Variants in BCL2L1 observed in about 807,000 individuals in gnomAD.
BCL2L1 encodes BCL2 like 1.
Under a neutral mutation model 18.7 loss-of-function variants are expected in BCL2L1, and 1 was observed. That is an observed-to-expected ratio of 0.05 (90% CI 0.02 to 0.25). The LOEUF (loss-of-function observed/expected upper bound fraction) is 0.25, where lower values mean the gene tolerates loss of function less well. Ranked by LOEUF, BCL2L1 falls within the 10% of genes least tolerant of loss-of-function variation. The pLI, the probability that BCL2L1 is intolerant of heterozygous loss-of-function variation, is 1.00. For synonymous variants in BCL2L1, 103 were observed against 122.7 expected (o/e 0.84, Z 1.06); for missense variants, 207 against 304.9 (o/e 0.68, Z 2.39).
chr20:31,715,852 G>C (rs1480145520), intron 2 of BCL2L1, among the ~76,000 whole-genome samples: 2 of 152,030 alleles, frequency 1.3e-5, no homozygotes, highest in Admixed American at 1.3e-4. Context: ...TATTTTTTGA[G>C]ACAGGGTCTT....
intron 2 of BCL2L1, among the ~76,000 whole-genome samples, chr20:31,685,740 TC>T (rs1568865273): frequency 1.3e-5 from 2 of 152,120 alleles, no homozygotes; most frequent in Non-Finnish European, 2.9e-5. Context: ...CCTTTTTTTT[TC>T]CCCTCAAGGG....
chr20:31,702,827 T>C (rs1056748472), intron 2 of BCL2L1, among the ~76,000 whole-genome samples: 2 of 148,874 alleles, frequency 1.3e-5, no homozygotes, highest in Non-Finnish European at 3.0e-5. Flanking sequence ...GCACCTTTAA[T>C]CCCAGCTACT....
chr20:31,680,684 T>C (rs2122533146), intron 2 of BCL2L1, among the ~76,000 whole-genome samples: 1 of 152,342 alleles, frequency 6.6e-6, no homozygotes, highest in East Asian at 1.9e-4. Context: ...TCAACAAATC[T>C]TCATTAAGTG....
At chr20:31,716,228 C>T (rs2061534126) in intron 2 of BCL2L1, among the ~76,000 whole-genome samples, 1 of 152,130 alleles carries the variant, frequency 6.6e-6, no homozygotes, top group Admixed American at 6.5e-5. Context: ...GCCAAAGGAC[C>T]TAGAAGGGTA....
upstream of BCL2L1, chr20:31,723,755 G>A (rs17122905): frequency 3.0e-5 from 30 of 985,362 alleles, no homozygotes; most frequent in East Asian, 2.3e-3. Flanking sequence ...CGCGAGCCGT[G>A]GGGGGCCACA....
upstream of BCL2L1, chr20:31,723,625 G>T (rs1352245797): frequency 2.0e-6 from 2 of 985,410 alleles, no homozygotes; most frequent in Non-Finnish European, 2.4e-6. Context: ...CGCCCCCGGC[G>T]GTCCGCCCCA....
chr20:31,665,651 G>C lies in BCL2L1; in HGVS notation c.*298C>G, dbSNP rs1009721157. On this transcript the variant is annotated 3_prime_UTR_variant, in exon 3 of 3. Transcript: ENST00000307677. The stretch of plus-strand genomic sequence containing the variant: ...TAAGGGGTAAGGGTTGCACCAATCA[G>C]GTAGGGCCCTCCTGCCCCCAGCCAC... The C allele has an allele frequency of 8.7e-6, 4 of 458,892 alleles. No homozygotes were observed. Among genetic ancestry groups the C allele is most frequent in the Non-Finnish European group, 3.9e-6 (1 of 254,676 alleles). 28.4% of individuals were successfully genotyped at this position (458,892 alleles called of 1,614,324 possible). A position where few individuals can be genotyped will look rare whatever the true frequency, so the allele number is the denominator to read the frequency against.
chr20:31,692,734 C>A (rs1415081338), intron 2 of BCL2L1, among the ~76,000 whole-genome samples: 2 of 151,918 alleles, frequency 1.3e-5, no homozygotes, highest in African/African-American at 4.8e-5. Context: ...GATGGTGAAA[C>A]CCCATCTCTA....
rs987523333 is a variant in BCL2L1 at position 31,713,257 on chromosome 20, CA to C, written c.564+8397del. ...GTAGGGGGTAATGGCCTGGCAGAAC[CA>C]AGTAGAAAGGCATTTTCTAAATCTT... is the stretch of plus-strand genomic sequence containing the variant. On this transcript the variant is annotated intron_variant, in intron 2 of 2. Transcript: ENST00000307677. 20 of 984,654 alleles carry C rather than the reference CA, an allele frequency of 2.0e-5. No individual in the cohort carries two copies. In the African/African-American group the frequency reaches 3.5e-4, roughly 17 times the overall value. The allele number at this position is 984,654 out of a possible 1,614,324, so 61.0% of individuals were successfully genotyped here.
chr20:31,723,500 G>A (rs1262803902), upstream of BCL2L1: 5 of 985,382 alleles, frequency 5.1e-6, no homozygotes, highest in South Asian at 9.4e-5. Flanking sequence ...GGCCGGCTGC[G>A]GCCTAGCGGC....
At chr20:31,683,769 CAAAAAAAAAAAAAAAAAAAAAAAAAAA>C (rs372160646) in intron 2 of BCL2L1, among the ~76,000 whole-genome samples, 43,178 of 81,418 alleles carry the variant, frequency 0.53, 8,689 homozygotes, top group African/African-American at 0.66. Context: ...AACTCCATCT[CAAAAAAAAAAAAAAAAAAAAAAAAAAA>C]AAAAAAAAAA....
chr20:31,714,584 T>C (rs1386993756), intron 2 of BCL2L1, among the ~76,000 whole-genome samples: 3 of 152,196 alleles, frequency 2.0e-5, no homozygotes, highest in Admixed American at 2.0e-4. Flanking sequence ...CATCGCCCCC[T>C]GTGAGGCAGG....
At chr20:31,696,500 C>T (rs757429449) in intron 2 of BCL2L1, among the ~76,000 whole-genome samples, 3 of 152,184 alleles carry the variant, frequency 2.0e-5, no homozygotes, top group Non-Finnish European at 2.9e-5. Flanking sequence ...AACCCAGGTT[C>T]GGTGTACTCT....
chr20:31,723,871 A>T (rs1038454315), upstream of BCL2L1: 2 of 985,076 alleles, frequency 2.0e-6, no homozygotes, highest in African/African-American at 3.5e-5. Context: ...TACCTGGCTG[A>T]CTGCTCGCGC....
intron 2 of BCL2L1, among the ~76,000 whole-genome samples, chr20:31,712,620 ACT>A (rs771637494): frequency 1.3e-5 from 2 of 152,126 alleles, no homozygotes; most frequent in African/African-American, 2.4e-5. Context: ...AGCCTCGAAG[ACT>A]CTATGGAAAG....
chr20:31,688,444 C>CAAA (rs11362299), intron 2 of BCL2L1, among the ~76,000 whole-genome samples: 19 of 86,710 alleles, frequency 2.2e-4, no homozygotes, highest in African/African-American at 6.7e-4. Context: ...ACTCTGTCTC[C>CAAA]AAAAAAAAAA....
chr20:31,695,805 C>T (rs1036060043), intron 2 of BCL2L1, among the ~76,000 whole-genome samples: 2 of 152,178 alleles, frequency 1.3e-5, no homozygotes, highest in South Asian at 2.1e-4. Flanking sequence ...CCCATATATC[C>T]GCACAGCTCA....
intron 2 of BCL2L1, among the ~76,000 whole-genome samples, chr20:31,704,746 C>T (rs1380343252): frequency 1.3e-5 from 2 of 152,134 alleles, no homozygotes; most frequent in East Asian, 3.9e-4. Flanking sequence ...GGAATGCACC[C>T]CCCCAACGCA....
At chr20:31,671,982 G>A (rs1223239732) in intron 2 of BCL2L1, among the ~76,000 whole-genome samples, 1 of 146,160 alleles carries the variant, frequency 6.8e-6, no homozygotes, top group Non-Finnish European at 1.5e-5. Flanking sequence ...GTATAGTATA[G>A]CTGAGGTATT....
Sources: allele counts gnomAD v4.1 joint callset (sites outside exome capture counted in the v4.1 genomes callset), GRCh38; gene constraint gnomAD v4.1.1; transcripts MANE v1.5; gene names NCBI Gene and HGNC (gene_info 2026-07-23, HGNC 2026-07-21).